Variants in KCNJ6 observed in about 807,000 individuals in gnomAD.
KCNJ6 encodes the protein potassium inwardly rectifying channel subfamily J member 6.
In KCNJ6, 9 loss-of-function variants were observed where a neutral mutation model predicts 34.2. The ratio of observed to expected loss-of-function variants is 0.26; its 90% CI spans 0.16 to 0.46. The LOEUF is 0.46. Among genes scored for constraint, KCNJ6 ranks in the 20% least tolerant of loss-of-function variants. The pLI is 1.00. For synonymous variants in KCNJ6, 196 were observed against 207.1 expected, an observed-to-expected ratio of 0.95 and a Z score of 0.46; for missense variants, 236 against 531.3, an observed-to-expected ratio of 0.44 and a Z score of 5.46.
At chr21:37,779,771 C>T (rs147446981) in intron 2 of KCNJ6, among the ~76,000 whole-genome samples, 9 of 152,284 alleles carry the variant, frequency 5.9e-5, no homozygotes, top group East Asian at 5.8e-4. Context: ...CTTGTATGCT[C>T]GTGTGGCACT....
intron 1 of KCNJ6, among the ~76,000 whole-genome samples, chr21:37,873,621 C>G (rs2055663352): frequency 2.6e-5 from 4 of 152,130 alleles, no homozygotes; most frequent in Non-Finnish European, 5.9e-5. Flanking sequence ...CACTGAAAAG[C>G]CTTTTTTAGA....
chr21:37,690,518 A>G (rs890086435), intron 3 of KCNJ6, among the ~76,000 whole-genome samples: 3 of 152,212 alleles, frequency 2.0e-5, no homozygotes, highest in African/African-American at 7.2e-5. Context: ...AAAAGGTCTC[A>G]GCTGTGACAG....
At chr21:37,776,116 G>A (rs2055140893) in intron 2 of KCNJ6, among the ~76,000 whole-genome samples, 2 of 152,250 alleles carry the variant, frequency 1.3e-5, no homozygotes, top group South Asian at 4.1e-4. Flanking sequence ...TGAAGCAATT[G>A]TGAATGGGAG....
Position 37,889,651 on chromosome 21 carries a change from C to T in KCNJ6, c.-28+26233G>A, listed in dbSNP as rs1019612948. ...AGGTGTCTGCAGGGCCACACTCCCT[C>T]TGAAGGCTCCAGGGAAGAATCCACT... is the stretch of plus-strand genomic sequence containing the variant. On this transcript the variant is annotated intron_variant, in intron 1 of 3. Transcript: ENST00000609713. 2.6e-5 allele frequency among the ~76,000 whole-genome samples: 4 copies of T among 152,190 alleles called. 1 individual carries two copies. The highest frequency in any genetic ancestry group is 9.7e-5 in the African/African-American group (4 of 41,444).
intron 3 of KCNJ6, among the ~76,000 whole-genome samples, chr21:37,655,255 G>T (rs538357668): frequency 7.2e-6 from 1 of 139,148 alleles, no homozygotes; most frequent in Non-Finnish European, 1.5e-5. Flanking sequence ...GAGAGAGAGA[G>T]AGAGAGAGAG....
intron 2 of KCNJ6, among the ~76,000 whole-genome samples, chr21:37,735,123 C>G (rs1027589459): frequency 6.6e-6 from 1 of 152,134 alleles, no homozygotes; most frequent in African/African-American, 2.4e-5. Context: ...GCTCCCTTCC[C>G]CTTGCCTCAG....
intron 3 of KCNJ6, among the ~76,000 whole-genome samples, chr21:37,655,208 TGTGTGTGTGTGTGTGTGAGAGA>T (rs2054453185): frequency 1.3e-5 from 1 of 77,290 alleles, no homozygotes; most frequent in Non-Finnish European, 2.6e-5. Flanking sequence ...TGTGTGTGTG[TGTGTGTGTGTGTGTGTGAGAGA>T]GAGAGAGAGA....
chr21:37,807,892 C>T (rs980330440), intron 2 of KCNJ6, among the ~76,000 whole-genome samples: 2 of 152,148 alleles, frequency 1.3e-5, no homozygotes, highest in African/African-American at 4.8e-5. Context: ...GCCTGCACCT[C>T]CATGTACTGC....
chr21:37,865,032 A>G (rs1435033829), intron 1 of KCNJ6, among the ~76,000 whole-genome samples: 1 of 152,158 alleles, frequency 6.6e-6, no homozygotes, highest in Admixed American at 6.6e-5. Flanking sequence ...TATGCCCATG[A>G]GGCTTCAAGA....
chr21:37,896,134 G>A (rs373868593), intron 1 of KCNJ6, among the ~76,000 whole-genome samples: 12 of 152,286 alleles, frequency 7.9e-5, no homozygotes, highest in African/African-American at 2.9e-4. Flanking sequence ...AAGAGCAGGA[G>A]GAAGAGACAG....
At chr21:37,723,576 A>ATACT (rs2054837974) in intron 2 of KCNJ6, among the ~76,000 whole-genome samples, 1 of 152,240 alleles carries the variant, frequency 6.6e-6, no homozygotes, top group South Asian at 2.1e-4. Flanking sequence ...ACACCATGGA[A>ATACT]TACTACACAG....
intron 1 of KCNJ6, among the ~76,000 whole-genome samples, chr21:37,869,396 A>T (rs2055639137): frequency 6.6e-6 from 1 of 152,212 alleles, no homozygotes. Flanking sequence ...GAGTGGAGAA[A>T]CTCATCAGGT....
chr21:37,704,561 C>T (rs749345899), intron 3 of KCNJ6, among the ~76,000 whole-genome samples: 2 of 152,148 alleles, frequency 1.3e-5, no homozygotes, highest in Non-Finnish European at 1.5e-5. Flanking sequence ...TTAATATTTA[C>T]ACTATATAAA....
At chr21:37,632,902 A>G (rs934133052) in intron 3 of KCNJ6, among the ~76,000 whole-genome samples, 9 of 152,190 alleles carry the variant, frequency 5.9e-5, no homozygotes, top group Admixed American at 3.9e-4. Flanking sequence ...GATGAGTTCA[A>G]TGAAATATTC....
chr21:37,720,512 G>T (rs1032711174), intron 2 of KCNJ6, among the ~76,000 whole-genome samples: 2 of 152,134 alleles, frequency 1.3e-5, no homozygotes, highest in Non-Finnish European at 2.9e-5. Context: ...AAGGAGGAGG[G>T]TGTCCAGGAG....
chr21:37,853,861 T>TATATATATATATATATATATATAA (rs940498600), intron 1 of KCNJ6, among the ~76,000 whole-genome samples: 7 of 146,728 alleles, frequency 4.8e-5, no homozygotes, highest in African/African-American at 1.5e-4. Flanking sequence ...TATATATATA[T>TATATATATATATATATATATATAA]AAATTACATT....
At chr21:37,824,440 T>G (rs1027867269) in intron 2 of KCNJ6, among the ~76,000 whole-genome samples, 1 of 152,018 alleles carries the variant, frequency 6.6e-6, no homozygotes, top group African/African-American at 2.4e-5. Context: ...GTTCTGTAGA[T>G]GAAAAGTCTG....
At chr21:37,880,551 G>A (rs2055702512) in intron 1 of KCNJ6, among the ~76,000 whole-genome samples, 1 of 152,234 alleles carries the variant, frequency 6.6e-6, no homozygotes, top group Admixed American at 6.5e-5. Flanking sequence ...GGGAGCCTCA[G>A]AAAATGGGAT....
At chr21:37,708,603 C>G (rs568191258) in intron 3 of KCNJ6, among the ~76,000 whole-genome samples, 1 of 9,434 alleles carries the variant, frequency 1.1e-4, no homozygotes, top group African/African-American at 4.9e-4. Context: ...AAAATCACTC[C>G]TTATAGAGAT....
Sources: allele counts gnomAD v4.1 joint callset (sites outside exome capture counted in the v4.1 genomes callset), GRCh38; gene constraint gnomAD v4.1.1; transcripts MANE v1.5; gene names NCBI Gene and HGNC (gene_info 2026-07-23, HGNC 2026-07-21).